The following OXR1 variants were observed in gnomAD, a reference collection of about 807,000 sequenced individuals.
OXR1 encodes the protein oxidation resistance protein 1.
OXR1 carries 41 observed loss-of-function variants against 104.6 expected under a neutral mutation model. The observed-to-expected ratio is 0.39, with a 90% CI of 0.31 to 0.51. The LOEUF is 0.51. OXR1 is among the 20% of genes least tolerant of loss of function. The pLI, the probability that OXR1 is intolerant of heterozygous loss-of-function variation, is 0.77. For missense variants in OXR1, 955 were observed against 1,031.9 expected (o/e 0.93, Z 1.02); for synonymous variants, 348 against 348.4 (o/e 1.00, Z 0.01).
intron 6 of OXR1, 26 bp downstream of exon 6, chr8:106,684,385 G>A (rs1828485042): frequency 9.0e-7 from 1 of 1,106,064 alleles, no homozygotes; most frequent in African/African-American, 1.5e-5. Context: ...TTGCAAAGAT[G>A]GCGATGAAGA....
intron 2 of OXR1, among the ~76,000 whole-genome samples, chr8:106,480,496 G>A (rs539524568): frequency 1.3e-5 from 2 of 151,848 alleles, no homozygotes; most frequent in South Asian, 4.2e-4. Flanking sequence ...ACTTTGATTG[G>A]TTGACTGGAT....
intron 1 of OXR1, among the ~76,000 whole-genome samples, chr8:106,302,695 T>C (rs1352585482): frequency 6.6e-6 from 1 of 151,754 alleles, no homozygotes; most frequent in East Asian, 1.9e-4. Context: ...AAGTTATAAA[T>C]TGGGTATTTG....
intron 1 of OXR1, among the ~76,000 whole-genome samples, chr8:106,351,998 G>C (rs1049248591): frequency 6.6e-6 from 1 of 152,110 alleles, no homozygotes; most frequent in African/African-American, 2.4e-5. Flanking sequence ...CACCATAGTA[G>C]TCCCTGCCTC....
intron 3 of OXR1, among the ~76,000 whole-genome samples, chr8:106,575,096 C>T (rs978289202): frequency 3.3e-5 from 5 of 152,116 alleles, no homozygotes; most frequent in African/African-American, 7.2e-5. Flanking sequence ...TTTACATTTG[C>T]GTTAATTTAA....
intron 9 of OXR1, among the ~76,000 whole-genome samples, chr8:106,708,017 T>C (rs930074118): frequency 6.6e-6 from 1 of 152,182 alleles, no homozygotes; most frequent in Non-Finnish European, 1.5e-5. Flanking sequence ...CATTAGTACA[T>C]TCACATTGTT....
At position 106,278,129 on chromosome 8, in the gene OXR1, T is replaced by A. The variant is rs114627852; in HGVS notation, c.-139+7762T>A. On this transcript the variant is annotated intron_variant, in intron 1 of 16. Transcript: ENST00000517566. ...GAATATGTGTTTCCAATGATTGATC[T>A]GAATTTTCAAGATTAATGACAGCAG... is the stretch of plus-strand genomic sequence containing the variant. 9.8e-3 allele frequency among the ~76,000 whole-genome samples: 1,500 copies of A among 152,336 alleles called. 14 individuals are homozygous for A. Among genetic ancestry groups the A allele is most frequent in the African/African-American group, 0.033 (1,360 of 41,558 alleles).
intron 2 of OXR1, among the ~76,000 whole-genome samples, chr8:106,509,991 C>T (rs557925453): frequency 1.1e-4 from 16 of 152,058 alleles, no homozygotes; most frequent in South Asian, 2.1e-4. Context: ...ATGCTGGTTG[C>T]GAACTCCTGA....
intron 3 of OXR1, among the ~76,000 whole-genome samples, chr8:106,554,193 C>G (rs543606653): frequency 1.3e-5 from 2 of 152,090 alleles, no homozygotes; most frequent in African/African-American, 2.4e-5. Context: ...TCATGTGCCC[C>G]GGATGTGATA....
chr8:106,339,994 T>G (rs1487017632), intron 1 of OXR1, among the ~76,000 whole-genome samples: 3 of 152,162 alleles, frequency 2.0e-5, no homozygotes, highest in Admixed American at 1.3e-4. Flanking sequence ...TGCATTTCTG[T>G]AATTCTTTTC....
At chr8:106,443,266 AG>A (rs1819866955) in intron 2 of OXR1, among the ~76,000 whole-genome samples, 1 of 152,046 alleles carries the variant, frequency 6.6e-6, no homozygotes, top group Non-Finnish European at 1.5e-5. Context: ...TTGTACTGAG[AG>A]ACTGTTTATT....
At chr8:106,311,157 T>C (rs925420700) in intron 1 of OXR1, among the ~76,000 whole-genome samples, 12 of 152,118 alleles carry the variant, frequency 7.9e-5, no homozygotes, top group Non-Finnish European at 1.5e-5. Context: ...TTCAGCTTTA[T>C]TTTCTAATTC....
At chr8:106,525,366 T>C (rs766910833) in intron 3 of OXR1, among the ~76,000 whole-genome samples, 1 of 152,178 alleles carries the variant, frequency 6.6e-6, no homozygotes, top group Non-Finnish European at 1.5e-5. Context: ...ATAGCCTAGA[T>C]AGGATCCAGA....
chr8:106,635,356 T>C (rs1284795689), intron 3 of OXR1, among the ~76,000 whole-genome samples: 1 of 152,222 alleles, frequency 6.6e-6, no homozygotes, highest in Non-Finnish European at 1.5e-5. Flanking sequence ...TACTCCTCTA[T>C]TTTTGAGTAT....
intron 3 of OXR1, among the ~76,000 whole-genome samples, chr8:106,617,571 A>G (rs919045857): frequency 6.6e-6 from 1 of 152,250 alleles, no homozygotes; most frequent in African/African-American, 2.4e-5. Context: ...ATAAATAACT[A>G]TAATGCAAAG....
chr8:106,360,816 C>T (rs925707776), intron 2 of OXR1, among the ~76,000 whole-genome samples: 3 of 152,070 alleles, frequency 2.0e-5, no homozygotes, highest in African/African-American at 7.2e-5. Flanking sequence ...GACACGTTTC[C>T]TTAAAGGAAT....
chr8:106,592,807 G>A (rs1206695537), intron 3 of OXR1, among the ~76,000 whole-genome samples: 1 of 152,134 alleles, frequency 6.6e-6, no homozygotes, highest in Non-Finnish European at 1.5e-5. Context: ...TTCAATCAGA[G>A]CACCAACCTG....
At chr8:106,587,913 C>T (rs1818748109) in intron 3 of OXR1, among the ~76,000 whole-genome samples, 2 of 151,700 alleles carry the variant, frequency 1.3e-5, no homozygotes, top group African/African-American at 4.8e-5. Context: ...ATAATAGATC[C>T]GTGAAGGTAA....
chr8:106,316,824 A>G (rs937217199), intron 1 of OXR1, among the ~76,000 whole-genome samples: 1 of 151,784 alleles, frequency 6.6e-6, no homozygotes, highest in African/African-American at 2.4e-5. Context: ...GTGCAAGTAG[A>G]AATTCTAAGT....
Position 106,713,897 on chromosome 8 carries a change from G to A in OXR1, c.1868G>A (p.Arg623Lys). ...GCAGAAGATACTGGCGAATATACCA[G>A]AGAACCTGGATTTATAGTAGTAAAA... ...IYAEDTGEYT[R>K]EPGFIVVKKI... The change falls in exon 11 of 17, where the codon AGA becomes AAA. Residue 623 changes from arginine to lysine, a missense_variant. Physicochemically the swap from Arg to Lys is conservative, Grantham distance 26. This residue lies in a region of OXR1 where 849 missense variants were observed against 852.9 expected (regional missense o/e 1.00). Transcript: ENST00000517566. 1.9e-6 allele frequency: 3 copies of A among 1,592,180 alleles called. No individual in the cohort carries two copies. The highest frequency in any genetic ancestry group is 2.6e-6 in the Non-Finnish European group (3 of 1,172,638).
Sources: gnomAD v4.1 joint callset for allele counts (sites outside exome capture counted in the v4.1 genomes callset) on GRCh38, gnomAD v4.1.1 for gene constraint, gnomAD v4.1.1 regional missense constraint, MANE v1.5 for transcripts, NCBI Gene and HGNC (gene_info 2026-07-23, HGNC 2026-07-21) for gene names.